Variants in PRKAG2 observed in about 807,000 individuals in gnomAD.
PRKAG2 encodes the protein 5'-AMP-activated protein kinase subunit gamma-2.
In PRKAG2, 26 loss-of-function variants were observed where a neutral mutation model predicts 69.6. The ratio of observed to expected loss-of-function variants is 0.37; its 90% CI spans 0.27 to 0.52. PRKAG2 has a LOEUF of 0.52. Among genes scored for constraint, PRKAG2 ranks in the 20% least tolerant of loss-of-function variants. PRKAG2 has a pLI of 0.90. For missense variants in PRKAG2, 557 were observed against 740.0 expected (o/e 0.75, Z 2.87); for synonymous variants, 293 against 285.0 (o/e 1.03, Z -0.28).
chr7:151,585,759 G>C (rs1811496491), intron 6 of PRKAG2, among the ~76,000 whole-genome samples: 1 of 152,140 alleles, frequency 6.6e-6, no homozygotes, highest in Admixed American at 6.5e-5. Context: ...TGAAGAGCGT[G>C]GGGCACAAGA....
At chr7:151,851,164 G>A (rs943287997) in intron 1 of PRKAG2, among the ~76,000 whole-genome samples, 3 of 152,018 alleles carry the variant, frequency 2.0e-5, no homozygotes, top group Non-Finnish European at 4.4e-5. Context: ...AAAAAGAAAC[G>A]TCGCCCATGC....
At chr7:151,831,518 A>G (rs1293833813) in intron 1 of PRKAG2, among the ~76,000 whole-genome samples, 3 of 152,320 alleles carry the variant, frequency 2.0e-5, no homozygotes, top group African/African-American at 4.8e-5. Flanking sequence ...TAATTCTCCC[A>G]AGAGGTGGCC....
At chr7:151,867,479 C>G (rs1193110173) in intron 1 of PRKAG2, among the ~76,000 whole-genome samples, 2 of 152,164 alleles carry the variant, frequency 1.3e-5, no homozygotes, top group African/African-American at 4.8e-5. Flanking sequence ...CCCTCACAGG[C>G]CTTCTTGCCT....
intron 5 of PRKAG2, among the ~76,000 whole-genome samples, chr7:151,607,574 C>CCT (rs1817803540): frequency 1.3e-5 from 2 of 152,020 alleles, no homozygotes; most frequent in Non-Finnish European, 1.5e-5. Flanking sequence ...CTGCTCGTGT[C>CCT]CTCCCTACCT....
intron 3 of PRKAG2, among the ~76,000 whole-genome samples, chr7:151,724,756 C>T (rs868411543): frequency 8.5e-5 from 13 of 152,222 alleles, no homozygotes; most frequent in African/African-American, 1.2e-4. Flanking sequence ...CTCCGCGCCA[C>T]GCTCCCTCCT....
chr7:151,742,511 C>A (rs2151715101), intron 3 of PRKAG2, among the ~76,000 whole-genome samples: 1 of 152,134 alleles, frequency 6.6e-6, no homozygotes, highest in South Asian at 2.1e-4. Context: ...GTAGTCCCCG[C>A]TACTCGAGAG....
At chr7:151,799,755 G>A (rs1195772966) in intron 1 of PRKAG2, among the ~76,000 whole-genome samples, 1 of 152,154 alleles carries the variant, frequency 6.6e-6, no homozygotes, top group Non-Finnish European at 1.5e-5. Flanking sequence ...GACCAGCCAG[G>A]TCAGGAGAAG....
At chr7:151,752,164 A>G (rs2074736720) in intron 3 of PRKAG2, among the ~76,000 whole-genome samples, 1 of 152,252 alleles carries the variant, frequency 6.6e-6, no homozygotes, top group African/African-American at 2.4e-5. Context: ...ATGCCCATCA[A>G]TGACAGACCA....
chr7:151,776,166 C>T (rs931550617), intron 3 of PRKAG2, among the ~76,000 whole-genome samples: 5 of 152,194 alleles, frequency 3.3e-5, no homozygotes, highest in African/African-American at 1.2e-4. Context: ...AGGGCACCAA[C>T]ATGAGCAATT....
intron 4 of PRKAG2, among the ~76,000 whole-genome samples, chr7:151,668,471 C>T (rs1246974488): frequency 6.6e-6 from 1 of 152,156 alleles, no homozygotes; most frequent in Non-Finnish European, 1.5e-5. Context: ...TAGAATATGT[C>T]CTCGATTCAT....
At position 151,876,412 on chromosome 7, in the gene PRKAG2, C is replaced by A. The variant is rs1034563649; in HGVS notation, c.114+95G>T. Reference sequence around the variant, plus strand: ...CCCGAAGTGACAGGAGGGGCACGCACGGCGCGCGCGGGGCGTCCAGCGTTA... The same window carrying A: ...CCCGAAGTGACAGGAGGGGCACGCAAGGCGCGCGCGGGGCGTCCAGCGTTA... On this transcript the variant is annotated intron_variant, in intron 1 of 15. Transcript: ENST00000287878. 184 of 1,259,422 alleles carry A rather than the reference C, an allele frequency of 1.5e-4. 1 individual carries two copies. The highest frequency in any genetic ancestry group is 2.0e-4 in the Non-Finnish European group (174 of 872,754). 78.0% of individuals were successfully genotyped at this position (1,259,422 alleles called of 1,614,324 possible).
intron 4 of PRKAG2, among the ~76,000 whole-genome samples, chr7:151,662,496 G>A (rs1176290850): frequency 6.6e-6 from 1 of 152,166 alleles, no homozygotes; most frequent in African/African-American, 2.4e-5. Flanking sequence ...CACTCCTGTG[G>A]CTGTAATTCA....
At position 151,614,126 on chromosome 7, in the gene PRKAG2, C is replaced by T. The variant is rs557677122; in HGVS notation, c.754+17943G>A. 1.3e-5 allele frequency among the ~76,000 whole-genome samples: 2 copies of T among 152,302 alleles called. No homozygotes were observed. The highest frequency in any genetic ancestry group is 4.1e-4 in the South Asian group (2 of 4,828). The stretch of plus-strand genomic sequence containing the variant: ...GGAGCCGACCAGGAGGTGCCCCGTT[C>T]CCACGGCTATGCTGAGCGCCCCAGC... On this transcript the variant is annotated intron_variant, in intron 5 of 15. Coordinates refer to ENST00000287878, the MANE Select transcript of PRKAG2 (RefSeq NM_016203.4). This position sits in a 1 kb window ranked among gnomAD's most constrained non-coding sequence, Gnocchi z 4.4.
intron 1 of PRKAG2, among the ~76,000 whole-genome samples, chr7:151,818,549 G>T (rs955867814): frequency 1.3e-5 from 2 of 152,250 alleles, no homozygotes; most frequent in East Asian, 3.8e-4. Flanking sequence ...GGGAGTATCT[G>T]CAAAAGGGCT....
intron 15 of PRKAG2, chr7:151,557,535 T>C (rs1804006369): frequency 1.0e-6 from 1 of 985,106 alleles, no homozygotes; most frequent in African/African-American, 1.7e-5. Flanking sequence ...TTAGTGAAGG[T>C]GTGAAGTATT....
intron 1 of PRKAG2, among the ~76,000 whole-genome samples, chr7:151,797,373 G>A (rs1053500913): frequency 1.7e-4 from 26 of 152,100 alleles, no homozygotes; most frequent in African/African-American, 6.0e-4. Flanking sequence ...TAAGGTCACC[G>A]AGTTGCTGGC....
rs148814057 is a variant in PRKAG2 at position 151,576,699 on chromosome 7, C to T, written c.865-247G>A. On this transcript the variant is annotated intron_variant, in intron 6 of 15. Coordinates refer to ENST00000287878, the MANE Select transcript of PRKAG2 (RefSeq NM_016203.4). Reference sequence around the variant, plus strand: ...TATTTTTGGTAGAAACAGGGTTTCACCATGTTGGCTAAGCTCGTCTCGAAC... The same window carrying T: ...TATTTTTGGTAGAAACAGGGTTTCATCATGTTGGCTAAGCTCGTCTCGAAC... Among the ~76,000 whole-genome samples the T allele has an allele frequency of 2.6e-3, 397 of 152,202 alleles. 4 individuals are homozygous for T. The highest frequency in any genetic ancestry group is 6.8e-3 in the Middle Eastern group (2 of 294).
chr7:151,559,396 C>T, intron 15 of PRKAG2: 9 of 985,430 alleles, frequency 9.1e-6, no homozygotes, highest in Non-Finnish European at 1.1e-5. Flanking sequence ...GTCTTTTAAA[C>T]ACTTGAAGTT....
intron 3 of PRKAG2, among the ~76,000 whole-genome samples, chr7:151,764,717 C>A (rs969297442): frequency 3.9e-5 from 6 of 152,240 alleles, no homozygotes; most frequent in African/African-American, 1.2e-4. Flanking sequence ...GCAAGTGGGT[C>A]AGGGGCAGAG....
Sources: allele counts gnomAD v4.1 joint callset (sites outside exome capture counted in the v4.1 genomes callset), GRCh38; gene constraint gnomAD v4.1.1; non-coding constraint Gnocchi (gnomAD v3.1); transcripts MANE v1.5; gene names NCBI Gene and HGNC (gene_info 2026-07-23, HGNC 2026-07-21).